USP32: variants seen among roughly 807,000 people sequenced by gnomAD.
USP32 encodes ubiquitin carboxyl-terminal hydrolase 32.
A neutral mutation model predicts 204.8 loss-of-function variants in USP32; 59 were observed. The observed-to-expected ratio is 0.29, with a 90% CI of 0.23 to 0.36. The LOEUF (loss-of-function observed/expected upper bound fraction) is 0.36, where lower values mean the gene tolerates loss of function less well. Ranked by LOEUF, USP32 falls within the 10% of genes least tolerant of loss-of-function variation. USP32 has a pLI of 1.00. For synonymous variants in USP32, 517 were observed against 678.4 expected (o/e 0.76, Z 3.70); for missense variants, 1,160 against 1,946.4 (o/e 0.60, Z 7.60).
intron 1 of USP32, among the ~76,000 whole-genome samples, chr17:60,383,362 A>C (rs1275621240): frequency 6.6e-6 from 1 of 152,184 alleles, no homozygotes; most frequent in Non-Finnish European, 1.5e-5. Flanking sequence ...CGATCTGACA[A>C]ACATGAAAGC....
chr17:60,422,398 A>C (rs923590199), exon 1 of USP32: 137 of 1,383,860 alleles, frequency 9.9e-5, no homozygotes, highest in Admixed American at 1.5e-4. Flanking sequence ...GGCCAGCTGC[A>C]GCCACCCCTA....
chr17:60,200,065 G>C (rs1334983693), intron 26 of USP32, among the ~76,000 whole-genome samples: 1 of 152,070 alleles, frequency 6.6e-6, no homozygotes, highest in Non-Finnish European at 1.5e-5. Flanking sequence ...ATGGTGGCAG[G>C]CACCTGTAGT....
At chr17:60,403,956 G>C (rs930481041) in intron 1 of USP32, among the ~76,000 whole-genome samples, 3 of 151,490 alleles carry the variant, frequency 2.0e-5, no homozygotes, top group Admixed American at 1.3e-4. Context: ...TAAGAGGATT[G>C]CTTGAGCTTG....
intron 1 of USP32, among the ~76,000 whole-genome samples, chr17:60,382,938 T>C (rs1335545037): frequency 6.6e-6 from 1 of 152,182 alleles, no homozygotes; most frequent in Non-Finnish European, 1.5e-5. Flanking sequence ...CTATTTATTT[T>C]TAACTATCAT....
chr17:60,408,279 A>G (rs78073575), intron 1 of USP32, among the ~76,000 whole-genome samples: 43 of 152,294 alleles, frequency 2.8e-4, no homozygotes, highest in African/African-American at 7.2e-4. Context: ...ATTTAAAGAA[A>G]AACATGAATA....
chr17:60,274,942 A>G (rs2086805545), intron 5 of USP32, among the ~76,000 whole-genome samples: 1 of 152,172 alleles, frequency 6.6e-6, no homozygotes, highest in African/African-American at 2.4e-5. Context: ...ACCACCTTCA[A>G]AGATACTCCT....
chr17:60,181,639 C>A lies in USP32; in HGVS notation c.4233G>T (p.Leu1411=). 1 of 1,613,886 alleles carries A rather than the reference C, an allele frequency of 6.2e-7. No homozygotes were observed. Among genetic ancestry groups the A allele is most frequent in the Non-Finnish European group, 8.5e-7 (1 of 1,179,854 alleles). The part of the protein sequence containing the change: ...TLGRSKGRLR[L]PQIGSKNKLS... Reference sequence around the variant, plus strand: ...GTTTATTTTTGCTGCCAATCTGGGGCAGCCGGAGCCTCCCTTTGCTCCTCC... The same window carrying A: ...GTTTATTTTTGCTGCCAATCTGGGGAAGCCGGAGCCTCCCTTTGCTCCTCC... The change falls in exon 32 of 34, where the codon CTG becomes CTT. Residue 1411 remains leucine (L), a synonymous_variant. Transcript: ENST00000300896.
intron 2 of USP32, 104 bp downstream of exon 2, chr17:60,345,377 C>T: frequency 6.7e-7 from 1 of 1,485,888 alleles, no homozygotes. Flanking sequence ...AGAAAAATAA[C>T]TACAGGTAAG....
intron 1 of USP32, among the ~76,000 whole-genome samples, chr17:60,406,326 A>C (rs1343760950): frequency 1.3e-5 from 2 of 150,448 alleles, no homozygotes; most frequent in Admixed American, 1.3e-4. Flanking sequence ...CTACAGGCCC[A>C]TGCCACCATG....
chr17:60,387,588 T>C (rs2089752592), intron 1 of USP32, among the ~76,000 whole-genome samples: 1 of 152,176 alleles, frequency 6.6e-6, no homozygotes, highest in South Asian at 2.1e-4. Context: ...TTATTAAACA[T>C]ACACAAGTTA....
chr17:60,199,600 T>G (rs1316945814), intron 26 of USP32, among the ~76,000 whole-genome samples: 1 of 152,216 alleles, frequency 6.6e-6, no homozygotes, highest in Non-Finnish European at 1.5e-5. Context: ...CACTAGGGGT[T>G]AAGTTAGCTA....
chr17:60,300,068 C>T (rs2087535397), intron 3 of USP32, among the ~76,000 whole-genome samples: 1 of 151,972 alleles, frequency 6.6e-6, no homozygotes, highest in African/African-American at 2.4e-5. Context: ...TTGAGGGAGA[C>T]ACAAATATTC....
intron 1 of USP32, among the ~76,000 whole-genome samples, chr17:60,382,813 G>A (rs1307948552): frequency 6.6e-6 from 1 of 151,994 alleles, no homozygotes; most frequent in Non-Finnish European, 1.5e-5. Context: ...ATAACCAAAA[G>A]ACATTCTCAA....
intron 1 of USP32, among the ~76,000 whole-genome samples, chr17:60,415,598 A>G (rs1400148302): frequency 2.0e-5 from 3 of 152,152 alleles, no homozygotes; most frequent in Non-Finnish European, 2.9e-5. Context: ...CCTTAAGCCC[A>G]TTGGTGGATT....
intron 1 of USP32, among the ~76,000 whole-genome samples, chr17:60,414,440 A>G (rs925427626): frequency 2.0e-5 from 3 of 150,606 alleles, no homozygotes; most frequent in East Asian, 3.9e-4. Context: ...TTATTTGTTT[A>G]TTTTTTGAGA....
chr17:60,398,981 AAAAAT>A (rs1377965127), intron 1 of USP32, among the ~76,000 whole-genome samples: 3 of 152,078 alleles, frequency 2.0e-5, no homozygotes, highest in East Asian at 3.9e-4. Flanking sequence ...ACTGTCTTTA[AAAAAT>A]AAAATAATAA....
intron 1 of USP32, among the ~76,000 whole-genome samples, chr17:60,354,825 C>G (rs1383617781): frequency 6.6e-6 from 1 of 152,124 alleles, no homozygotes; most frequent in Non-Finnish European, 1.5e-5. Context: ...GCAGGCAGAT[C>G]GCTTAAGGTC....
At chr17:60,280,495 G>A (rs188355650) in intron 5 of USP32, among the ~76,000 whole-genome samples, 11 of 152,254 alleles carry the variant, frequency 7.2e-5, no homozygotes, top group African/African-American at 2.6e-4. Flanking sequence ...ATGATTAAAC[G>A]TGGCAGTGTG....
chr17:60,201,548 T>C (rs1252481163), intron 26 of USP32, among the ~76,000 whole-genome samples: 3 of 152,134 alleles, frequency 2.0e-5, no homozygotes, highest in African/African-American at 7.2e-5. Context: ...GAGTTCCTGT[T>C]GCTCTACTTA....
Sources: allele counts gnomAD v4.1 joint callset (sites outside exome capture counted in the v4.1 genomes callset), GRCh38; gene constraint gnomAD v4.1.1; transcripts MANE v1.5; gene names NCBI Gene and HGNC (gene_info 2026-07-23, HGNC 2026-07-21).